SAMD12: variants seen among roughly 807,000 people sequenced by gnomAD.
The protein encoded by SAMD12 is sterile alpha motif domain containing 12.
SAMD12 carries 9 observed loss-of-function variants against 15.0 expected under a neutral mutation model. The observed-to-expected ratio is 0.60, with a 90% CI of 0.36 to 1.05. The LOEUF (loss-of-function observed/expected upper bound fraction) is 1.05. Ranked by LOEUF, SAMD12 falls within the 50% of genes least tolerant of loss-of-function variation. The pLI, the probability that SAMD12 is intolerant of heterozygous loss-of-function variation, is 0.01. For missense variants in SAMD12, 230 were observed against 234.2 expected, an observed-to-expected ratio of 0.98 and a Z score of 0.12; for synonymous variants, 86 against 90.1, an observed-to-expected ratio of 0.96 and a Z score of 0.25.
chr8:118,182,908 A>G, the SAMD12 span, among the ~76,000 whole-genome samples: 1 of 152,260 alleles, frequency 6.6e-6, no homozygotes, highest in African/African-American at 2.4e-5. Context: ...GTTAACAGAA[A>G]TGTTCATTAT....
intron 4 of SAMD12, among the ~76,000 whole-genome samples, chr8:118,216,349 T>C (rs879547484): frequency 2.6e-5 from 4 of 151,770 alleles, no homozygotes; most frequent in Non-Finnish European, 5.9e-5. Flanking sequence ...TCATTGTAGA[T>C]TCTGGATATT....
At chr8:118,187,304 G>A (rs541369985), downstream of SAMD12, among the ~76,000 whole-genome samples, 1 of 152,204 alleles carries the variant, frequency 6.6e-6, no homozygotes, top group South Asian at 2.1e-4. Flanking sequence ...AAAAATAAGG[G>A]AAAGCTATTT....
intron 4 of SAMD12, among the ~76,000 whole-genome samples, chr8:118,312,599 C>T (rs998210537): frequency 5.3e-4 from 81 of 152,294 alleles, no homozygotes; most frequent in African/African-American, 1.9e-3. Flanking sequence ...TATGGTTCTA[C>T]CATCCCCACC....
chr8:118,601,032 TA>T (rs1399447019), intron 1 of SAMD12, among the ~76,000 whole-genome samples: 2 of 152,052 alleles, frequency 1.3e-5, no homozygotes, highest in African/African-American at 4.8e-5. Flanking sequence ...AAAATCCCAC[TA>T]AAAGGCAAGC....
At chr8:118,213,149 T>C (rs1327864279) in intron 4 of SAMD12, among the ~76,000 whole-genome samples, 2 of 152,228 alleles carry the variant, frequency 1.3e-5, no homozygotes, top group East Asian at 3.8e-4. Flanking sequence ...CCATATCCTA[T>C]GTCAGATGGC....
chr8:118,444,361 A>G (rs2130899492), intron 2 of SAMD12, among the ~76,000 whole-genome samples: 1 of 152,262 alleles, frequency 6.6e-6, no homozygotes, highest in East Asian at 1.9e-4. Flanking sequence ...ACCCCTATGC[A>G]TAGTGACACC....
intron 4 of SAMD12, among the ~76,000 whole-genome samples, chr8:118,302,874 T>C (rs974811825): frequency 1.3e-5 from 2 of 152,166 alleles, no homozygotes; most frequent in African/African-American, 4.8e-5. Flanking sequence ...ACCTATTATC[T>C]AGGCAAAAAA....
chr8:118,405,804 T>A (rs1363043036), intron 3 of SAMD12, among the ~76,000 whole-genome samples: 1 of 152,184 alleles, frequency 6.6e-6, no homozygotes, highest in African/African-American at 2.4e-5. Flanking sequence ...CCACTAATGG[T>A]GTCACAGACT....
At chr8:118,534,582 A>G (rs1480377022) in intron 2 of SAMD12, among the ~76,000 whole-genome samples, 2 of 152,200 alleles carry the variant, frequency 1.3e-5, no homozygotes, top group African/African-American at 4.8e-5. Context: ...AGGTACACCA[A>G]TCAGACGTAG....
intron 2 of SAMD12, among the ~76,000 whole-genome samples, chr8:118,495,476 A>G (rs937123774): frequency 1.3e-5 from 2 of 152,034 alleles, no homozygotes; most frequent in African/African-American, 4.8e-5. Context: ...TATGTATGTG[A>G]TGACTAGTTG....
At chr8:118,150,669 A>T in the SAMD12 span, among the ~76,000 whole-genome samples, 4 of 152,160 alleles carry the variant, frequency 2.6e-5, no homozygotes, top group Admixed American at 1.3e-4. Context: ...ACTCCTGGAC[A>T]TTATTATTGT....
chr8:118,367,345 C>T (rs1287689414), intron 4 of SAMD12, among the ~76,000 whole-genome samples: 1 of 152,228 alleles, frequency 6.6e-6, no homozygotes, highest in Non-Finnish European at 1.5e-5. Context: ...TCTAAATCAA[C>T]TGACTCTCTA....
At chr8:118,277,830 T>G (rs981954770) in intron 4 of SAMD12, among the ~76,000 whole-genome samples, 1 of 152,198 alleles carries the variant, frequency 6.6e-6, no homozygotes. Flanking sequence ...GTCACTGCCC[T>G]CTCTCCTAAA....
chr8:118,568,468 A>C (rs1433711716), intron 2 of SAMD12, among the ~76,000 whole-genome samples: 1 of 152,220 alleles, frequency 6.6e-6, no homozygotes, highest in Admixed American at 6.5e-5. Flanking sequence ...TTTGAGCAGA[A>C]GAGGGACATG....
chr8:118,414,339 C>G (rs1053557010), intron 3 of SAMD12, among the ~76,000 whole-genome samples: 83 of 152,160 alleles, frequency 5.5e-4, no homozygotes, highest in African/African-American at 1.9e-3. Flanking sequence ...TGAATTAGAG[C>G]AGTCACCTGC....
At chr8:118,312,963 C>G (rs562715237) in intron 4 of SAMD12, among the ~76,000 whole-genome samples, 1 of 152,242 alleles carries the variant, frequency 6.6e-6, no homozygotes. Context: ...GGAATCTTGT[C>G]CTTTCTTAAG....
intron 4 of SAMD12, among the ~76,000 whole-genome samples, chr8:118,361,939 T>C (rs1010746259): frequency 2.0e-5 from 3 of 152,210 alleles, no homozygotes; most frequent in Admixed American, 1.3e-4. Context: ...ATGAATTCAT[T>C]TGACAGAGTG....
At chr8:118,549,773 A>C (rs1313795674) in intron 2 of SAMD12, among the ~76,000 whole-genome samples, 1 of 152,200 alleles carries the variant, frequency 6.6e-6, no homozygotes, top group African/African-American at 2.4e-5. Flanking sequence ...GAAGTTAAAA[A>C]CTTTGAAAAA....
intron 4 of SAMD12, among the ~76,000 whole-genome samples, chr8:118,364,362 C>G (rs1818659844): frequency 6.6e-6 from 1 of 152,080 alleles, no homozygotes; most frequent in Non-Finnish European, 1.5e-5. Flanking sequence ...AAGACATAAC[C>G]TGCAAGTTTA....
Sources: allele counts gnomAD v4.1 joint callset (sites outside exome capture counted in the v4.1 genomes callset), GRCh38; gene constraint gnomAD v4.1.1; transcripts MANE v1.5; gene names NCBI Gene and HGNC (gene_info 2026-07-23, HGNC 2026-07-21).